CASP8: variants seen among roughly 807,000 people sequenced by gnomAD.
The protein encoded by CASP8 is caspase-8.
In CASP8, 24 loss-of-function variants were observed where a neutral mutation model predicts 46.3. The observed-to-expected ratio is 0.52, with a 90% CI of 0.38 to 0.73. The LOEUF (loss-of-function observed/expected upper bound fraction) is 0.73, where lower values mean the gene tolerates loss of function less well. Among genes scored for constraint, CASP8 ranks in the 30% least tolerant of loss-of-function variants. The pLI, the probability that CASP8 is intolerant of heterozygous loss-of-function variation, is 0.00. For missense variants in CASP8, 460 were observed against 559.0 expected (o/e 0.82, Z 1.79); for synonymous variants, 188 against 200.4 (o/e 0.94, Z 0.52).
At chr2:201,269,021 C>G (rs894166058) in intron 2 of CASP8, among the ~76,000 whole-genome samples, 1 of 151,730 alleles carries the variant, frequency 6.6e-6, no homozygotes, top group African/African-American at 2.4e-5. Flanking sequence ...TCAGTGCAAC[C>G]TCCACCTCCT....
intron 2 of CASP8, among the ~76,000 whole-genome samples, chr2:201,270,085 C>T (rs1247858956): frequency 6.6e-6 from 1 of 152,126 alleles, no homozygotes; most frequent in Non-Finnish European, 1.5e-5. Context: ...ATTTTAAAGT[C>T]AACGTGTTTT....
chr2:201,260,432 A>G (rs116684269), upstream of CASP8: 986 of 538,674 alleles, frequency 1.8e-3, 6 homozygotes, highest in African/African-American at 0.02. Flanking sequence ...CACTCTGCTC[A>G]CTCAGGGGCA....
At chr2:201,254,081 C>CAAAAA in intron 2 of CASP8, among the ~76,000 whole-genome samples, 1 of 134,752 alleles carries the variant, frequency 7.4e-6, no homozygotes, top group African/African-American at 2.7e-5. Context: ...AACTCCATCT[C>CAAAAA]AAAAAAAAAA....
At chr2:201,234,843 C>T (rs1319977052) in intron 2 of CASP8, among the ~76,000 whole-genome samples, 3 of 152,098 alleles carry the variant, frequency 2.0e-5, no homozygotes, top group Admixed American at 2.0e-4. Flanking sequence ...AAGCAATATA[C>T]TTAGGCTTTT....
chr2:201,272,840 C>T lies in CASP8; in HGVS notation c.551-58C>T, dbSNP rs1236331904. On this transcript the variant is annotated intron_variant, in intron 4 of 8. Coordinates refer to ENST00000673742, the MANE Select transcript of CASP8 (RefSeq NM_001372051.1). The surrounding 1 kb of genome is among the most constrained non-coding windows in gnomAD (Gnocchi z 4.4). The stretch of plus-strand genomic sequence containing the variant: ...CTCTAAAATTGAAACTGACAAATCG[C>T]TCCATATCACAGTTGTTTCTAATCA... 1 of 1,613,330 alleles carries T rather than the reference C, an allele frequency of 6.2e-7. No individual in the cohort carries two copies. Among genetic ancestry groups the T allele is most frequent in the Non-Finnish European group, 8.5e-7 (1 of 1,179,358 alleles).
At chr2:201,282,208 C>A (rs1949095104) in intron 7 of CASP8, among the ~76,000 whole-genome samples, 1 of 48,072 alleles carries the variant, frequency 2.1e-5, no homozygotes, top group African/African-American at 7.2e-5. Flanking sequence ...ATCCATTTAA[C>A]CCTGAGTGGA....
At chr2:201,286,138 T>C (rs777902600) in intron 8 of CASP8, among the ~76,000 whole-genome samples, 1 of 152,144 alleles carries the variant, frequency 6.6e-6, no homozygotes, top group Non-Finnish European at 1.5e-5. Flanking sequence ...TTGGGGGGCA[T>C]TGAAGCAATG....
chr2:201,257,098 T>C (rs1378595924), upstream of CASP8, among the ~76,000 whole-genome samples: 1 of 151,450 alleles, frequency 6.6e-6, no homozygotes, highest in Non-Finnish European at 1.5e-5. Context: ...TGAGCCGAGA[T>C]GGCACCATTG....
intron 7 of CASP8, among the ~76,000 whole-genome samples, chr2:201,280,301 A>C (rs1415695937): frequency 6.6e-6 from 1 of 152,182 alleles, no homozygotes; most frequent in African/African-American, 2.4e-5. Flanking sequence ...AGGATGTCCA[A>C]TTTTTGACAA....
chr2:201,275,862 AC>A (rs1314098475), intron 6 of CASP8, among the ~76,000 whole-genome samples: 1 of 152,212 alleles, frequency 6.6e-6, no homozygotes, highest in East Asian at 1.9e-4. Flanking sequence ...GGTACTAGCC[AC>A]CGTGCCTGGC....
chr2:201,249,649 C>A (rs368767171), intron 2 of CASP8, among the ~76,000 whole-genome samples: 4 of 152,076 alleles, frequency 2.6e-5, no homozygotes, highest in African/African-American at 9.7e-5. Context: ...CGCTTGAGCG[C>A]GGGAGGCGGA....
At chr2:201,284,687 AG>A (rs1949448538) in intron 7 of CASP8, 128 bp from the exon 8 acceptor site, 1 of 720,628 alleles carries the variant, frequency 1.4e-6, no homozygotes, top group African/African-American at 1.8e-5. Context: ...GGAGAGGGAG[AG>A]GGAGACGGGG....
intron 2 of CASP8, among the ~76,000 whole-genome samples, chr2:201,235,916 G>C (rs1946028265): frequency 6.6e-6 from 1 of 152,182 alleles, no homozygotes; most frequent in South Asian, 2.1e-4. Context: ...ACAGTAACAT[G>C]CTTTGTAGGT....
intron 2 of CASP8, among the ~76,000 whole-genome samples, chr2:201,249,349 A>G (rs1946672956): frequency 1.3e-5 from 2 of 152,166 alleles, no homozygotes; most frequent in African/African-American, 4.8e-5. Flanking sequence ...CCTCATTGTC[A>G]CCTTTACCCA....
At chr2:201,246,843 G>T (rs1946543602) in intron 2 of CASP8, among the ~76,000 whole-genome samples, 1 of 152,116 alleles carries the variant, frequency 6.6e-6, no homozygotes. Context: ...AATTTTGGGG[G>T]GCCAGGGAGG....
intron 7 of CASP8, among the ~76,000 whole-genome samples, chr2:201,283,744 C>G (rs1949333169): frequency 1.4e-5 from 1 of 73,232 alleles, no homozygotes. Context: ...AGGGGCTCCT[C>G]ACTTCCCAGT....
chr2:201,246,363 A>G (rs1383682391), intron 2 of CASP8, among the ~76,000 whole-genome samples: 1 of 152,108 alleles, frequency 6.6e-6, no homozygotes, highest in Non-Finnish European at 1.5e-5. Flanking sequence ...TTCCCAGGGT[A>G]TTTAGGTGTC....
chr2:201,285,403 C>A, intron 8 of CASP8, 86 bp downstream of exon 8: 1 of 1,498,294 alleles, frequency 6.7e-7, no homozygotes, highest in Non-Finnish European at 9.2e-7. Context: ...ATATTCAGAG[C>A]CTATTAGAAA....
chr2:201,276,758 A>G, intron 6 of CASP8, 69 bp from the exon 7 acceptor site: 1 of 1,607,502 alleles, frequency 6.2e-7, no homozygotes, highest in South Asian at 1.1e-5. Flanking sequence ...CTTACTAGGG[A>G]GTTGTTTGTT....
Sources: gnomAD v4.1 joint callset for allele counts (sites outside exome capture counted in the v4.1 genomes callset) on GRCh38, gnomAD v4.1.1 for gene constraint, Gnocchi (gnomAD v3.1) non-coding constraint, MANE v1.5 for transcripts, NCBI Gene and HGNC (gene_info 2026-07-23, HGNC 2026-07-21) for gene names.